The following LRP8 variants were observed in gnomAD, a reference collection of about 807,000 sequenced individuals.
LRP8 encodes the protein LDL receptor related protein 8.
LRP8 carries 46 observed loss-of-function variants against 111.6 expected under a neutral mutation model. The observed-to-expected ratio is 0.41, with a 90% CI of 0.33 to 0.53. The LOEUF is 0.53. LRP8 is among the 20% of genes least tolerant of loss of function. LRP8 has a pLI of 0.20. For synonymous variants in LRP8, 464 were observed against 511.2 expected (o/e 0.91, Z 1.24); for missense variants, 959 against 1,297.4 (o/e 0.74, Z 4.01).
In LRP8 at chr1:53,250,611, A is replaced by AG; in HGVS notation, c.2676+78_2676+79insC. The stretch of plus-strand genomic sequence containing the variant: ...AGGGAGGGAAGAAAGGATGGGAAGG[A>AG]AGAAAGGATGGGAGGGGAAGAAAGG... On this transcript the variant is annotated intron_variant, in intron 17 of 18. Coordinates refer to ENST00000306052, the MANE Select transcript of LRP8 (RefSeq NM_004631.5). This position sits in a 1 kb window ranked among gnomAD's most constrained non-coding sequence, Gnocchi z 4.6. 7.7e-7 allele frequency: 1 copy of AG among 1,292,116 alleles called. No homozygotes were observed. The highest frequency in any genetic ancestry group is 1.1e-6 in the Non-Finnish European group (1 of 911,184). The allele number at this position is 1,292,116 out of a possible 1,614,324, so 80.0% of individuals were successfully genotyped here.
chr1:53,284,944 C>T (rs1054296163), intron 3 of LRP8, among the ~76,000 whole-genome samples: 4 of 152,140 alleles, frequency 2.6e-5, no homozygotes, highest in Non-Finnish European at 5.9e-5. Flanking sequence ...ATTCCAATTC[C>T]TGTCTCTCCT....
At position 53,303,378 on chromosome 1, in the gene LRP8, C is replaced by T. The variant is rs1303503152; in HGVS notation, c.245-13689G>A. Among the ~76,000 whole-genome samples, 1 of 152,164 alleles carries T rather than the reference C, an allele frequency of 6.6e-6. No individual in the cohort carries two copies. Among genetic ancestry groups the T allele is most frequent in the Non-Finnish European group, 1.5e-5 (1 of 68,026 alleles). On this transcript the variant is annotated intron_variant, in intron 2 of 18. Coordinates refer to ENST00000306052, the MANE Select transcript of LRP8 (RefSeq NM_004631.5). The surrounding 1 kb of genome is among the most constrained non-coding windows in gnomAD (Gnocchi z 4.3). The stretch of plus-strand genomic sequence containing the variant: ...GGCTGAACACACCTGGGCCCCAGGG[C>T]CATGTGGCCCAGCCCTTGGATTTCA...
At chr1:53,326,201 C>A (rs17108330) in intron 2 of LRP8, among the ~76,000 whole-genome samples, 1 of 152,342 alleles carries the variant, frequency 6.6e-6, no homozygotes, top group African/African-American at 2.4e-5. Flanking sequence ...AAGGTCTTCA[C>A]TGTGACTCGG....
At chr1:53,325,993 T>C (rs1655073244) in intron 2 of LRP8, among the ~76,000 whole-genome samples, 5 of 152,118 alleles carry the variant, frequency 3.3e-5, no homozygotes, top group Non-Finnish European at 7.3e-5. Flanking sequence ...CTGTGCACTC[T>C]GAGAAGAAAC....
At chr1:53,256,291 A>C (rs772565281) in intron 15 of LRP8, among the ~76,000 whole-genome samples, 1 of 152,260 alleles carries the variant, frequency 6.6e-6, no homozygotes, top group Non-Finnish European at 1.5e-5. Context: ...AAAAAGCTGC[A>C]CTGCTTGCTT....
At chr1:53,256,222 C>G (rs986466774) in intron 15 of LRP8, among the ~76,000 whole-genome samples, 1 of 152,254 alleles carries the variant, frequency 6.6e-6, no homozygotes, top group Non-Finnish European at 1.5e-5. Context: ...AAGGCCCATC[C>G]TCTCTCAATG....
chr1:53,276,708 C>G lies in LRP8; in HGVS notation c.867G>C (p.Ser289=). Residue 289 remains serine, a synonymous_variant, in exon 5 of 19, where the codon TCG becomes TCC. Coordinates refer to ENST00000306052, the MANE Select transcript of LRP8 (RefSeq NM_004631.5). ...CDGDRDCKDK[S]DEADCPLGTC... The stretch of plus-strand genomic sequence containing the variant: ...GGGGCTTACGGCAGTCGGCCTCGTC[C>G]GATTTGTCTTTGCAGTCGCGGTCGC... 1 of 1,538,474 alleles carries G rather than the reference C, an allele frequency of 6.5e-7. No individual in the cohort carries two copies. The highest frequency in any genetic ancestry group is 8.7e-7 in the Non-Finnish European group (1 of 1,146,132).
rs576889804 is a variant in LRP8 at position 53,294,896 on chromosome 1, G to T, written c.245-5207C>A. 2.0e-5 allele frequency among the ~76,000 whole-genome samples: 3 copies of T among 152,236 alleles called. No individual in the cohort carries two copies. The highest frequency in any genetic ancestry group is 1.3e-4 in the Admixed American group (2 of 15,292). ...CGTGGAGCCCCGGTGCAGAGAGAAG[G>T]CTCCAAAATAAAGATTAGTCCGGGC... is the stretch of plus-strand genomic sequence containing the variant. On this transcript the variant is annotated intron_variant, in intron 2 of 18. Transcript: ENST00000306052. The surrounding 1 kb of genome is among the most constrained non-coding windows in gnomAD (Gnocchi z 4.1).
At position 53,250,097 on chromosome 1, in the gene LRP8, C is replaced by T. The variant is rs529526254; in HGVS notation, c.2677-541G>A. On this transcript the variant is annotated intron_variant, in intron 17 of 18. Transcript: ENST00000306052. This position sits in a 1 kb window ranked among gnomAD's most constrained non-coding sequence, Gnocchi z 4.6. ...AGAGGGGACTCCTGAGCTTCCACCA[C>T]GGCATTCAGCACACAATTATACCAC... 1.6e-4 allele frequency among the ~76,000 whole-genome samples: 24 copies of T among 152,330 alleles called. No individual in the cohort carries two copies. Among genetic ancestry groups the T allele is most frequent in the Middle Eastern group, 3.4e-3 (1 of 294 alleles).
intron 2 of LRP8, among the ~76,000 whole-genome samples, chr1:53,302,856 AT>A (rs769628078): frequency 1.9e-3 from 246 of 126,418 alleles, no homozygotes; most frequent in Middle Eastern, 4.3e-3. Flanking sequence ...CACCCAGCTA[AT>A]TTTTTTTTTT....
At chr1:53,256,849 C>T (rs1312834819) in intron 15 of LRP8, among the ~76,000 whole-genome samples, 1 of 152,214 alleles carries the variant, frequency 6.6e-6, no homozygotes, top group East Asian at 1.9e-4. Context: ...TCCTCATATA[C>T]ACATCAGAAC....
intron 13 of LRP8, 144 bp from the exon 14 acceptor site, chr1:53,258,615 T>C (rs1646202154): frequency 1.5e-6 from 1 of 683,226 alleles, no homozygotes; most frequent in East Asian, 2.8e-5. Flanking sequence ...TTTTTCTTTC[T>C]TTTTTTATCC....
intron 13 of LRP8, 103 bp from the exon 14 acceptor site, chr1:53,258,574 G>T (rs1646198558): frequency 2.8e-6 from 3 of 1,056,482 alleles, no homozygotes; most frequent in Non-Finnish European, 4.0e-6. Flanking sequence ...CAAAAAGCTT[G>T]CCCTATACTT....
Position 53,249,010 on chromosome 1 carries a change from T to A in LRP8, c.2853+370A>T, listed in dbSNP as rs527710586. On this transcript the variant is annotated intron_variant, in intron 18 of 18. Coordinates refer to ENST00000306052, the MANE Select transcript of LRP8 (RefSeq NM_004631.5). This position sits in a 1 kb window ranked among gnomAD's most constrained non-coding sequence, Gnocchi z 4.1. The stretch of plus-strand genomic sequence containing the variant: ...GGGAGTTTTCTTATTCCAAGTTCAG[T>A]GCTTCTTCCACTGTGCTCCCTCTGA... 2.1e-4 allele frequency among the ~76,000 whole-genome samples: 32 copies of A among 152,312 alleles called. No homozygotes were observed. The highest frequency in any genetic ancestry group is 7.5e-4 in the African/African-American group (31 of 41,568).
chr1:53,289,851 C>T, intron 2 of LRP8, 162 bp from the exon 3 acceptor site: 1 of 856,920 alleles, frequency 1.2e-6, no homozygotes, highest in Non-Finnish European at 1.8e-6. Flanking sequence ...CATCTGAACA[C>T]TGCGTGAAGA....
rs145831159 is a variant in LRP8, at chr1:53,249,790, C to T, written c.2677-234G>A. Among the ~76,000 whole-genome samples the T allele has an allele frequency of 7.6e-3, 1,155 of 152,370 alleles. 10 individuals carry two copies. Among genetic ancestry groups the T allele is most frequent in the African/African-American group, 0.027 (1,111 of 41,578 alleles). ...AAGGACATAGTCCATCTGTCACCTT[C>T]TCTGTGAGGCATTCCTTGCCTGATT... On this transcript the variant is annotated intron_variant, in intron 17 of 18. Coordinates refer to ENST00000306052, the MANE Select transcript of LRP8 (RefSeq NM_004631.5). The surrounding 1 kb of genome is among the most constrained non-coding windows in gnomAD (Gnocchi z 4.1).
chr1:53,276,634 G>T, intron 5 of LRP8, 58 bp downstream of exon 5: 1 of 1,362,960 alleles, frequency 7.3e-7, no homozygotes, highest in Non-Finnish European at 9.7e-7. Flanking sequence ...GGCGGATCCG[G>T]ATCGGATAGC....
intron 13 of LRP8, 67 bp downstream of exon 13, chr1:53,260,397 C>T (rs2100371477): frequency 6.6e-7 from 1 of 1,515,322 alleles, no homozygotes; most frequent in East Asian, 2.3e-5. Context: ...CACAGCCTGC[C>T]TGGTGAAAGG....
At chr1:53,287,455 G>C (rs1280475212) in intron 3 of LRP8, among the ~76,000 whole-genome samples, 1 of 152,166 alleles carries the variant, frequency 6.6e-6, no homozygotes, top group Non-Finnish European at 1.5e-5. Flanking sequence ...CTGGAATTCC[G>C]GAGTGTTACT....
Sources: gnomAD v4.1 joint callset for allele counts (sites outside exome capture counted in the v4.1 genomes callset) on GRCh38, gnomAD v4.1.1 for gene constraint, Gnocchi (gnomAD v3.1) non-coding constraint, MANE v1.5 for transcripts, NCBI Gene and HGNC (gene_info 2026-07-23, HGNC 2026-07-21) for gene names.